Variants in IPMK observed in about 807,000 individuals in gnomAD.
The protein encoded by IPMK is inositol polyphosphate multikinase.
Under a neutral mutation model 45.8 loss-of-function variants are expected in IPMK, and 17 were observed. That is an observed-to-expected ratio of 0.37 (90% CI 0.25 to 0.56). The LOEUF is 0.56. Ranked by LOEUF, IPMK falls within the 20% of genes least tolerant of loss-of-function variation. The pLI is 0.79. For missense variants in IPMK, 399 were observed against 498.0 expected, an observed-to-expected ratio of 0.80 and a Z score of 1.89; for synonymous variants, 180 against 184.3, an observed-to-expected ratio of 0.98 and a Z score of 0.19.
At chr10:58,240,337 T>A (rs1479789330) in intron 1 of IPMK, among the ~76,000 whole-genome samples, 2 of 149,564 alleles carry the variant, frequency 1.3e-5, no homozygotes, top group African/African-American at 2.5e-5. Context: ...CAATACAAAA[T>A]ATCTAAATTA....
At chr10:58,256,026 A>T (rs1356769793) in intron 1 of IPMK, among the ~76,000 whole-genome samples, 1 of 152,118 alleles carries the variant, frequency 6.6e-6, no homozygotes, top group Non-Finnish European at 1.5e-5. Flanking sequence ...GATTTATGTC[A>T]CCTCAGGACC....
intron 4 of IPMK, among the ~76,000 whole-genome samples, chr10:58,200,342 C>G (rs1265913673): frequency 6.6e-6 from 1 of 152,148 alleles, no homozygotes; most frequent in Non-Finnish European, 1.5e-5. Context: ...TGGTCTCAAA[C>G]TCCTGGCGTC....
intron 1 of IPMK, among the ~76,000 whole-genome samples, chr10:58,258,583 C>A (rs1356597651): frequency 6.6e-6 from 1 of 151,992 alleles, no homozygotes; most frequent in African/African-American, 2.4e-5. Flanking sequence ...AGGAAAATAC[C>A]AAATAGTCGG....
chr10:58,248,205 TAAAGTATAATAATAATGAATTTAAAAA>T (rs1838830170), intron 1 of IPMK, among the ~76,000 whole-genome samples: 1 of 151,890 alleles, frequency 6.6e-6, no homozygotes, highest in African/African-American at 2.4e-5. Context: ...CTTTAAAACT[TAAAGTATAATAATAATGAATTTAAAAA>T]AAAAAGTCCC....
At chr10:58,223,741 C>A (rs921550193) in intron 3 of IPMK, among the ~76,000 whole-genome samples, 1 of 152,142 alleles carries the variant, frequency 6.6e-6, no homozygotes, top group Non-Finnish European at 1.5e-5. Flanking sequence ...AGGGAGGAAC[C>A]TGCTGGAAGG....
At chr10:58,246,139 C>G (rs1838796684) in intron 1 of IPMK, among the ~76,000 whole-genome samples, 1 of 132,354 alleles carries the variant, frequency 7.6e-6, no homozygotes, top group South Asian at 2.4e-4. Context: ...AACCACTGCT[C>G]AAGGAAATAA....
Position 58,220,453 on chromosome 10 carries a change from C to A in IPMK, c.374-4136G>T, listed in dbSNP as rs1454719583. On this transcript the variant is annotated intron_variant, in intron 3 of 5. Coordinates refer to ENST00000373935, the MANE Select transcript of IPMK (RefSeq NM_152230.5). ...ACTGAGATGATAAAGTTTAAAGCAA[C>A]TGCTTTAGAAGAAGAAAAAGGAGGC... 2.0e-5 allele frequency among the ~76,000 whole-genome samples: 3 copies of A among 152,156 alleles called. No individual in the cohort carries two copies. The South Asian group carries it at 6.2e-4, about 32-fold the overall frequency.
intron 3 of IPMK, among the ~76,000 whole-genome samples, chr10:58,217,156 C>CTTT (rs58314639): frequency 0.19 from 19,936 of 102,650 alleles, 3,462 homozygotes; most frequent in African/African-American, 0.47. Flanking sequence ...GCCCATCTTG[C>CTTT]TTTTTTTTTT....
At chr10:58,231,278 C>T (rs1431388478) in intron 2 of IPMK, among the ~76,000 whole-genome samples, 3 of 152,184 alleles carry the variant, frequency 2.0e-5, no homozygotes, top group Non-Finnish European at 4.4e-5. Context: ...AGGAGAACTT[C>T]CCCAATCTAG....
chr10:58,205,788 C>G (rs1032170221), intron 4 of IPMK, among the ~76,000 whole-genome samples: 2 of 152,126 alleles, frequency 1.3e-5, no homozygotes, highest in Middle Eastern at 3.2e-3. Context: ...TATAATTCAT[C>G]CATGTAACAA....
intron 1 of IPMK, among the ~76,000 whole-genome samples, chr10:58,266,115 T>C (rs150337166): frequency 2.0e-5 from 3 of 152,290 alleles, no homozygotes; most frequent in African/African-American, 7.2e-5. Flanking sequence ...GGACGTTGTT[T>C]CTTTACCTCG....
intron 1 of IPMK, among the ~76,000 whole-genome samples, chr10:58,254,442 C>A (rs1817063078): frequency 6.6e-6 from 1 of 151,746 alleles, no homozygotes; most frequent in South Asian, 2.1e-4. Context: ...GAGTGTTTTC[C>A]AAATTTCATT....
At chr10:58,251,359 T>C (rs758753032) in intron 1 of IPMK, among the ~76,000 whole-genome samples, 10 of 152,198 alleles carry the variant, frequency 6.6e-5, no homozygotes, top group Non-Finnish European at 1.3e-4. Flanking sequence ...GGATAGTTGA[T>C]ATTATTTTTA....
chr10:58,261,124 G>T (rs1209220273), intron 1 of IPMK, among the ~76,000 whole-genome samples: 1 of 145,542 alleles, frequency 6.9e-6, no homozygotes, highest in African/African-American at 2.5e-5. Context: ...AAAAAAATGA[G>T]GAGGAACTCT....
At position 58,193,348 on chromosome 10, in the gene IPMK, G is replaced by A. The variant is rs1475583674; in HGVS notation, c.*2728C>T. 1 of 151,850 alleles carries A rather than the reference G, an allele frequency of 6.6e-6. No homozygotes were observed. The highest frequency in any genetic ancestry group is 1.9e-4 in the East Asian group (1 of 5,186). 9.4% of individuals were successfully genotyped at this position (151,850 alleles called of 1,614,324 possible). On this transcript the variant is annotated 3_prime_UTR_variant, in exon 6 of 6. Coordinates refer to ENST00000373935, the MANE Select transcript of IPMK (RefSeq NM_152230.5). Reference sequence around the variant, plus strand: ...ACTGTAGTGTAAAGAGGAAAAGTAAGTACAATCTTTCCAGACACACAACTA... The same window carrying A: ...ACTGTAGTGTAAAGAGGAAAAGTAAATACAATCTTTCCAGACACACAACTA...
chr10:58,237,846 C>A (rs1410608666), intron 1 of IPMK, 32 bp from the exon 2 acceptor site: 1 of 1,465,304 alleles, frequency 6.8e-7, no homozygotes, highest in African/African-American at 1.4e-5. Flanking sequence ...TTGTTTAATG[C>A]TTTAATAATA....
chr10:58,236,862 G>A (rs1468748520), intron 2 of IPMK, among the ~76,000 whole-genome samples: 2 of 152,200 alleles, frequency 1.3e-5, no homozygotes, highest in African/African-American at 4.8e-5. Flanking sequence ...TTGAGCTTAA[G>A]TGTTTAAGAC....
At chr10:58,237,884 G>C (rs1838638343) in intron 1 of IPMK, 70 bp from the exon 2 acceptor site, 2 of 1,090,002 alleles carry the variant, frequency 1.8e-6, no homozygotes, top group Non-Finnish European at 2.8e-6. Flanking sequence ...AAATAGATTA[G>C]TTCCTGAAGT....
chr10:58,245,806 C>A lies in IPMK; in HGVS notation c.191-7992G>T, dbSNP rs1363478708. ...ATAGTGTTGAAAGTTCTGGCCAGGG[C>A]AATGAGGCAGGAGAAGGAAATAAAG... is the stretch of plus-strand genomic sequence containing the variant. On this transcript the variant is annotated intron_variant, in intron 1 of 5. Coordinates refer to ENST00000373935, the MANE Select transcript of IPMK (RefSeq NM_152230.5). Among the ~76,000 whole-genome samples, 4 of 147,972 alleles carry A rather than the reference C, an allele frequency of 2.7e-5. No homozygotes were observed. The East Asian group carries it at 7.9e-4, about 29-fold the overall frequency.
Sources: gnomAD v4.1 joint callset for allele counts (sites outside exome capture counted in the v4.1 genomes callset) on GRCh38, gnomAD v4.1.1 for gene constraint, MANE v1.5 for transcripts, NCBI Gene and HGNC (gene_info 2026-07-23, HGNC 2026-07-21) for gene names.